Variants in FMN1 observed in about 807,000 individuals in gnomAD.
FMN1 encodes the protein formin 1.
A neutral mutation model predicts 132.4 loss-of-function variants in FMN1; 110 were observed. That is an observed-to-expected ratio of 0.83 (90% CI 0.71 to 0.97). The LOEUF is 0.97. Ranked by LOEUF, FMN1 falls within the 50% of genes least tolerant of loss-of-function variation. FMN1 has a pLI of 0.00. For missense variants in FMN1, 1,792 were observed against 1,705.3 expected (o/e 1.05, Z -0.90); for synonymous variants, 722 against 651.7 (o/e 1.11, Z -1.64).
intron 12 of FMN1, 81 bp downstream of exon 12, chr15:32,908,409 G>T: frequency 1.1e-6 from 1 of 886,554 alleles, no homozygotes; most frequent in Non-Finnish European, 1.9e-6. Flanking sequence ...ATTTAGATTT[G>T]GTTATTCTGA....
chr15:32,994,591 C>T (rs1029173936), intron 7 of FMN1, among the ~76,000 whole-genome samples: 1 of 152,182 alleles, frequency 6.6e-6, no homozygotes, highest in Non-Finnish European at 1.5e-5. Context: ...GAATGGACTA[C>T]AAGCTCCAAG....
chr15:33,061,345 C>T (rs1387538948), intron 6 of FMN1, among the ~76,000 whole-genome samples: 1 of 152,008 alleles, frequency 6.6e-6, no homozygotes. Flanking sequence ...AAATAAATCA[C>T]AAGAAGCAAA....
chr15:32,889,333 G>C (rs1010843217), intron 15 of FMN1, among the ~76,000 whole-genome samples: 3 of 152,146 alleles, frequency 2.0e-5, no homozygotes, highest in African/African-American at 7.2e-5. Context: ...TTTAACGTAA[G>C]CTTTGTATCT....
chr15:32,777,425 TC>T (rs2056454630), intron 19 of FMN1, among the ~76,000 whole-genome samples: 1 of 109,704 alleles, frequency 9.1e-6, no homozygotes, highest in South Asian at 2.9e-4. Flanking sequence ...TAGGTTTTTT[TC>T]CATTCAAAAA....
chr15:32,957,315 T>G (rs866093020), intron 9 of FMN1, among the ~76,000 whole-genome samples: 18 of 145,236 alleles, frequency 1.2e-4, no homozygotes, highest in Non-Finnish European at 1.7e-4. Flanking sequence ...TTTTTTTTTT[T>G]TTTTTTTTTT....
chr15:33,138,054 T>G (rs1963848363), intron 4 of FMN1, among the ~76,000 whole-genome samples: 1 of 152,240 alleles, frequency 6.6e-6, no homozygotes, highest in African/African-American at 2.4e-5. Flanking sequence ...ACTGTCCAAG[T>G]CAGTATCTGG....
At position 33,144,667 on chromosome 15, in the gene FMN1, A is replaced by G. The variant is rs7168711; in HGVS notation, c.1867+8381T>C. Among the ~76,000 whole-genome samples the G allele has an allele frequency of 7.8e-3, 1,180 of 151,716 alleles. 11 individuals are homozygous for G. The highest frequency in any genetic ancestry group is 0.021 in the African/African-American group (857 of 41,346). On this transcript the variant is annotated intron_variant, in intron 4 of 20. Transcript: ENST00000616417. ...AAAAAAAAAAAAAAAGAGAAATCCA[A>G]TATTAACCTACACAAAACAATAAAA... is the stretch of plus-strand genomic sequence containing the variant.
At chr15:33,019,256 A>T (rs1345479255) in intron 6 of FMN1, among the ~76,000 whole-genome samples, 5 of 152,088 alleles carry the variant, frequency 3.3e-5, no homozygotes, top group South Asian at 4.2e-4. Flanking sequence ...CTAGATACAG[A>T]GTGTCCATTG....
chr15:33,054,917 A>G (rs145891825), intron 6 of FMN1, among the ~76,000 whole-genome samples: 567 of 152,358 alleles, frequency 3.7e-3, no homozygotes, highest in Middle Eastern at 6.8e-3. Context: ...GCAGGGTATC[A>G]TAACTGATTA....
rs150938591 is a variant in FMN1 at position 32,809,302 on chromosome 15, T to C, written c.3929-4970A>G. On this transcript the variant is annotated intron_variant, in intron 17 of 20. Coordinates refer to ENST00000616417, the MANE Select transcript of FMN1 (RefSeq NM_001277313.2). ...TCCTTAACCTCTAGGCTCTATATGG[T>C]GACCTGTAACAGGTTCCCCTCATTG... 4.2e-3 allele frequency among the ~76,000 whole-genome samples: 639 copies of C among 152,322 alleles called. 9 individuals carry two copies. The highest frequency in any genetic ancestry group is 0.014 in the African/African-American group (598 of 41,560).
chr15:33,140,576 C>A (rs1437415946), intron 4 of FMN1, among the ~76,000 whole-genome samples: 3 of 152,150 alleles, frequency 2.0e-5, no homozygotes, highest in Non-Finnish European at 4.4e-5. Context: ...AGCTGGTGAT[C>A]TAGTGTCAGA....
chr15:32,869,274 AG>A (rs1270469125), intron 16 of FMN1, among the ~76,000 whole-genome samples: 1 of 151,420 alleles, frequency 6.6e-6, no homozygotes, highest in Non-Finnish European at 1.5e-5. Flanking sequence ...TGGGCCCCAA[AG>A]GTATCCCAGG....
intron 18 of FMN1, among the ~76,000 whole-genome samples, 168 bp from the exon 19 acceptor site, chr15:32,799,121 T>C (rs2057391406): frequency 6.6e-6 from 1 of 152,166 alleles, no homozygotes; most frequent in Non-Finnish European, 1.5e-5. Context: ...AGAAAATCTA[T>C]TTGCTCAAAC....
Position 33,088,905 on chromosome 15 carries a change from T to C in FMN1, c.1937A>G (p.Asp646Gly), listed in dbSNP as rs1428302380. ...GTAGCCCAGAACCCACGCGCCTCCATCTCTGTTGGGAAGGTCTTTAGGTGT... is the reference window on the plus strand; with the variant it reads ...GTAGCCCAGAACCCACGCGCCTCCACCTCTGTTGGGAAGGTCTTTAGGTGT... The part of the protein sequence containing the change: ...EQTPKDLPNR[D>G]GGAWVLGYRA... Residue 646 changes from aspartate to glycine, a missense_variant, in exon 5 of 21, where the codon GAT becomes GGT. Transcript: ENST00000616417. 14 of 1,535,748 alleles carry C rather than the reference T, an allele frequency of 9.1e-6. No individual in the cohort carries two copies. The highest frequency in any genetic ancestry group is 1.2e-5 in the South Asian group (1 of 84,054).
intron 13 of FMN1, among the ~76,000 whole-genome samples, chr15:32,900,829 A>C (rs1189287849): frequency 1.3e-5 from 2 of 152,114 alleles, no homozygotes; most frequent in African/African-American, 4.8e-5. Context: ...TATGGTCTTA[A>C]TTCACATTTT....
chr15:32,804,408 C>T, intron 17 of FMN1, 76 bp from the exon 18 acceptor site: 1 of 520,316 alleles, frequency 1.9e-6, no homozygotes, highest in East Asian at 4.3e-5. Flanking sequence ...TTCAATTACA[C>T]CCATTCATTA....
intron 17 of FMN1, among the ~76,000 whole-genome samples, chr15:32,843,127 CAA>C (rs2058782409): frequency 1.6e-5 from 1 of 64,432 alleles, no homozygotes; most frequent in Non-Finnish European, 3.6e-5. Flanking sequence ...AACTCTGTCT[CAA>C]AAAGAGAAAA....
At chr15:33,093,043 G>A (rs1223880252) in intron 4 of FMN1, among the ~76,000 whole-genome samples, 1 of 152,208 alleles carries the variant, frequency 6.6e-6, no homozygotes, top group Non-Finnish European at 1.5e-5. Context: ...CCTAAAGGAA[G>A]TCTGTGAACA....
At chr15:33,096,084 C>G (rs1274393033) in intron 4 of FMN1, among the ~76,000 whole-genome samples, 1 of 151,470 alleles carries the variant, frequency 6.6e-6, no homozygotes, top group African/African-American at 2.4e-5. Flanking sequence ...TACAATATGG[C>G]TCTGAGTGTC....
Sources: allele counts gnomAD v4.1 joint callset (sites outside exome capture counted in the v4.1 genomes callset), GRCh38; gene constraint gnomAD v4.1.1; transcripts MANE v1.5; gene names NCBI Gene and HGNC (gene_info 2026-07-23, HGNC 2026-07-21).